Variants in SH3TC2 observed in about 807,000 individuals in gnomAD.
SH3TC2 encodes the protein SH3 domain and tetratricopeptide repeat-containing protein 2.
Under a neutral mutation model 124.5 loss-of-function variants are expected in SH3TC2, and 87 were observed. The observed-to-expected ratio is 0.70, with a 90% CI of 0.59 to 0.84. SH3TC2 has a LOEUF of 0.84. Among genes scored for constraint, SH3TC2 ranks in the 40% least tolerant of loss-of-function variants. The pLI is 0.00. For missense variants in SH3TC2, 1,536 were observed against 1,566.4 expected (o/e 0.98, Z 0.33); for synonymous variants, 634 against 628.5 (o/e 1.01, Z -0.13).
At chr5:149,020,375 A>C (rs1454555740) in intron 12 of SH3TC2, among the ~76,000 whole-genome samples, 1 of 152,244 alleles carries the variant, frequency 6.6e-6, no homozygotes, top group Non-Finnish European at 1.5e-5. Context: ...TACAAGAAAA[A>C]ATCTATTTAA....
Position 149,063,002 on chromosome 5 carries a change from G to A in SH3TC2, c.21C>T (p.Ile7=), listed in dbSNP as rs771384923. 3 of 1,600,944 alleles carry A rather than the reference G, an allele frequency of 1.9e-6. No homozygotes were observed. The highest frequency in any genetic ancestry group is 2.3e-5 in the South Asian group (2 of 88,284). The change falls in exon 1 of 17, where the codon ATC becomes ATT. Residue 7 remains isoleucine (I), a synonymous_variant. Transcript: ENST00000515425. ...CCCGGGTCAGACTCCGCTCCCTGGG[G>A]ATGCAGAAGCAGCCACCCATGTGTG... is the stretch of plus-strand genomic sequence containing the variant. The part of the protein sequence containing the change: MGGCFC[I]PRERSLTRGP...
Position 148,991,132 on chromosome 5 carries a change from G to A in SH3TC2, c.*13579C>T, listed in dbSNP as rs1279868867. Among the ~76,000 whole-genome samples the A allele has an allele frequency of 6.6e-6, 1 of 152,040 alleles. No individual in the cohort carries two copies. The stretch of plus-strand genomic sequence containing the variant: ...TTAATATGACCCTTTAAAACACCAG[G>A]AACATTCACAGCAAAAGACCAATAA... On this transcript the variant is annotated 3_prime_UTR_variant, in exon 17 of 17. Coordinates refer to ENST00000515425, the MANE Select transcript of SH3TC2 (RefSeq NM_024577.4).
chr5:149,033,326 G>C (rs1352434795), intron 8 of SH3TC2, among the ~76,000 whole-genome samples: 1 of 152,122 alleles, frequency 6.6e-6, no homozygotes, highest in Non-Finnish European at 1.5e-5. Context: ...ACATGGCAAA[G>C]CTTCTGGCAA....
chr5:149,003,843 C>CT lies in SH3TC2; in HGVS notation c.*867dup, dbSNP rs1482080748. On this transcript the variant is annotated 3_prime_UTR_variant, in exon 17 of 17. Transcript: ENST00000515425. ...TCCAGCCTGGGCAACAGAGGAGAAACTGTCTCAAAAAAAAAAAAAAAAAAA... is the reference window on the plus strand; with the variant it reads ...TCCAGCCTGGGCAACAGAGGAGAAACTTGTCTCAAAAAAAAAAAAAAAAAAA... The CT allele has an allele frequency of 2.3e-5, 6 of 260,282 alleles. No individual in the cohort carries two copies. Among genetic ancestry groups the CT allele is most frequent in the Admixed American group, 5.8e-5 (1 of 17,126 alleles). The allele number at this position is 260,282 out of a possible 1,614,324, so 16.1% of individuals were successfully genotyped here. A position where few individuals can be genotyped will look rare whatever the true frequency, so the allele number is the denominator to read the frequency against.
At position 148,984,073 on chromosome 5, in the gene SH3TC2, T is replaced by A. The variant is rs1470305523; in HGVS notation, c.*20638A>T. ...AACTTCTTGTACATGAATATTGATA[T>A]CACTTCCCAGATTTGGGACGTTTTC... On this transcript the variant is annotated 3_prime_UTR_variant, in exon 17 of 17. Coordinates refer to ENST00000515425, the MANE Select transcript of SH3TC2 (RefSeq NM_024577.4). Among the ~76,000 whole-genome samples the A allele has an allele frequency of 1.3e-5, 2 of 152,244 alleles. No homozygotes were observed. Among genetic ancestry groups the A allele is most frequent in the Admixed American group, 6.5e-5 (1 of 15,286 alleles).
At chr5:149,021,884 C>CAAGAAATTGAAGAGGAAGGAATATA (rs1355286432) in intron 12 of SH3TC2, among the ~76,000 whole-genome samples, 1 of 32,860 alleles carries the variant, frequency 3.0e-5, no homozygotes, top group African/African-American at 1.4e-4. Flanking sequence ...CAAACTCTTT[C>CAAGAAATTGAAGAGGAAGGAATATA]TTTTTTTTTT....
intron 12 of SH3TC2, among the ~76,000 whole-genome samples, chr5:149,021,019 T>C (rs1039384619): frequency 6.6e-6 from 1 of 152,146 alleles, no homozygotes; most frequent in African/African-American, 2.4e-5. Context: ...TCCTTCAGAA[T>C]AGACCATATG....
chr5:149,057,468 A>G (rs1754669621), intron 1 of SH3TC2: 1 of 152,090 alleles, frequency 6.6e-6, no homozygotes. Context: ...GGTTTATTAT[A>G]TAGGTAAACG....
At position 148,984,137 on chromosome 5, in the gene SH3TC2, C is replaced by G. The variant is rs1753296723; in HGVS notation, c.*20574G>C. 6.6e-6 allele frequency among the ~76,000 whole-genome samples: 1 copy of G among 152,078 alleles called. No individual in the cohort carries two copies. The highest frequency in any genetic ancestry group is 2.4e-5 in the African/African-American group (1 of 41,410). On this transcript the variant is annotated 3_prime_UTR_variant, in exon 17 of 17. Transcript: ENST00000515425. ...TTAGATAGGCTTTGTGTCCCTTTAT[C>G]TCTCTCTTCTCTTTCTGAAATTGCA...
Position 149,003,405 on chromosome 5 carries a change from G to C in SH3TC2, c.*1306C>G, listed in dbSNP as rs1753628781. On this transcript the variant is annotated 3_prime_UTR_variant, in exon 17 of 17. Coordinates refer to ENST00000515425, the MANE Select transcript of SH3TC2 (RefSeq NM_024577.4). Reference sequence around the variant, plus strand: ...ACTGCCCTGTGGAGAGGCCCACGTGGCAAGTGGCTGCAGGAAGCCTCTGGC... The same window carrying C: ...ACTGCCCTGTGGAGAGGCCCACGTGCCAAGTGGCTGCAGGAAGCCTCTGGC... 6.4e-6 allele frequency: 1 copy of C among 157,336 alleles called. No individual in the cohort carries two copies. Among genetic ancestry groups the C allele is most frequent in the Non-Finnish European group, 1.4e-5 (1 of 71,378 alleles). 9.7% of individuals were successfully genotyped at this position (157,336 alleles called of 1,614,324 possible). A position where few individuals can be genotyped will look rare whatever the true frequency, so the allele number is the denominator to read the frequency against.
chr5:149,014,884 T>C (rs1470975186), intron 12 of SH3TC2, among the ~76,000 whole-genome samples: 2 of 152,240 alleles, frequency 1.3e-5, no homozygotes, highest in Non-Finnish European at 2.9e-5. Flanking sequence ...ACTAGAGCAG[T>C]TGATGAAGAC....
At chr5:149,044,662 A>C in intron 3 of SH3TC2, 24 bp from the exon 4 acceptor site, 1 of 1,582,920 alleles carries the variant, frequency 6.3e-7, no homozygotes. Flanking sequence ...ACAATGAGTC[A>C]GCCTGGGATG....
At position 149,012,738 on chromosome 5, in the gene SH3TC2, G is replaced by A; in HGVS notation, c.3054-4C>T. 6.2e-7 allele frequency: 1 copy of A among 1,614,084 alleles called. No homozygotes were observed. The highest frequency in any genetic ancestry group is 2.2e-5 in the East Asian group (1 of 44,876). On this transcript the variant is annotated splice_region_variant and splice_polypyrimidine_tract_variant and intron_variant, in intron 12 of 16. Transcript: ENST00000515425. Reference sequence around the variant, plus strand: ...TGTGAGTGACCTCCTGAGGGACCTGGGGACAGACATGAACTTGTGAGGTGT... The same window carrying A: ...TGTGAGTGACCTCCTGAGGGACCTGAGGACAGACATGAACTTGTGAGGTGT...
At chr5:149,062,185 T>A (rs1400962544) in intron 1 of SH3TC2, 3 of 394,058 alleles carry the variant, frequency 7.6e-6, no homozygotes, top group African/African-American at 6.5e-5. Context: ...TGTTCCCCTA[T>A]CTCCCAAGCA....
chr5:149,006,790 C>T, intron 16 of SH3TC2, 91 bp downstream of exon 16: 3 of 1,345,916 alleles, frequency 2.2e-6, no homozygotes. Context: ...GTTTTCTCAG[C>T]TCCACCACAA....
At position 148,987,533 on chromosome 5, in the gene SH3TC2, A is replaced by T. The variant is rs1561749360; in HGVS notation, c.*17178T>A. On this transcript the variant is annotated 3_prime_UTR_variant, in exon 17 of 17. Transcript: ENST00000515425. ...AGACCTGCATGGTCTTTACATCTATAGTCTTGGGCATATTCCATAAGACTT... is the reference window on the plus strand; with the variant it reads ...AGACCTGCATGGTCTTTACATCTATTGTCTTGGGCATATTCCATAAGACTT... Among the ~76,000 whole-genome samples, 2 of 152,224 alleles carry T rather than the reference A, an allele frequency of 1.3e-5. No individual in the cohort carries two copies. Among genetic ancestry groups the T allele is most frequent in the African/African-American group, 2.4e-5 (1 of 41,452 alleles).
intron 2 of SH3TC2, among the ~76,000 whole-genome samples, chr5:149,050,267 T>C (rs1179837204): frequency 1.3e-5 from 2 of 152,192 alleles, no homozygotes; most frequent in Non-Finnish European, 2.9e-5. Context: ...AAGCTCAATA[T>C]CATTTTCATG....
At chr5:149,015,593 T>C (rs910583182) in intron 12 of SH3TC2, among the ~76,000 whole-genome samples, 4 of 152,206 alleles carry the variant, frequency 2.6e-5, no homozygotes, top group African/African-American at 9.7e-5. Flanking sequence ...CTTTCTCTCA[T>C]TTTTCCTGTC....
intron 12 of SH3TC2, among the ~76,000 whole-genome samples, chr5:149,018,818 AC>A (rs1011666216): frequency 3.3e-5 from 5 of 151,966 alleles, no homozygotes; most frequent in Non-Finnish European, 7.4e-5. Flanking sequence ...CCTAAAACCT[AC>A]CCTTCTCCAC....
Sources: gnomAD v4.1 joint callset for allele counts (sites outside exome capture counted in the v4.1 genomes callset) on GRCh38, gnomAD v4.1.1 for gene constraint, MANE v1.5 for transcripts, NCBI Gene and HGNC (gene_info 2026-07-23, HGNC 2026-07-21) for gene names.